Variants in PTTG1IP observed in about 807,000 individuals in gnomAD.
PTTG1IP encodes pituitary tumor-transforming gene 1 protein-interacting protein.
In PTTG1IP, 16 loss-of-function variants were observed where a neutral mutation model predicts 24.4. That is an observed-to-expected ratio of 0.66 (90% CI 0.44 to 1.00). PTTG1IP has a LOEUF of 1.00. PTTG1IP is among the 50% of genes least tolerant of loss of function. The pLI, the probability that PTTG1IP is intolerant of heterozygous loss-of-function variation, is 0.00. For missense variants in PTTG1IP, 241 were observed against 245.8 expected, an observed-to-expected ratio of 0.98 and a Z score of 0.13; for synonymous variants, 89 against 96.8, an observed-to-expected ratio of 0.92 and a Z score of 0.47.
At chr21:44,856,744 A>C (rs1414325707) in intron 3 of PTTG1IP, among the ~76,000 whole-genome samples, 1 of 152,250 alleles carries the variant, frequency 6.6e-6, no homozygotes, top group Non-Finnish European at 1.5e-5. Context: ...CTCGTAAGAC[A>C]TTCTAAACTC....
intron 3 of PTTG1IP, among the ~76,000 whole-genome samples, chr21:44,860,564 A>G (rs2146460925): frequency 6.6e-6 from 1 of 152,278 alleles, no homozygotes; most frequent in Non-Finnish European, 1.5e-5. Context: ...CACATGAACA[A>G]AACATACTGA....
chr21:44,864,150 G>T (rs1011907678), intron 2 of PTTG1IP, among the ~76,000 whole-genome samples: 1 of 152,238 alleles, frequency 6.6e-6, no homozygotes, highest in South Asian at 2.1e-4. Context: ...AGGGGCAAGG[G>T]GTGGGCGAGA....
At chr21:44,872,472 G>C (rs941255392) in intron 1 of PTTG1IP, among the ~76,000 whole-genome samples, 2 of 152,134 alleles carry the variant, frequency 1.3e-5, no homozygotes, top group African/African-American at 4.8e-5. Context: ...CTAATTGTAA[G>C]GGTCAGGAAA....
chr21:44,863,874 G>A (rs896423735), intron 2 of PTTG1IP, among the ~76,000 whole-genome samples: 3 of 152,236 alleles, frequency 2.0e-5, no homozygotes, highest in South Asian at 4.1e-4. Context: ...TCGAACCTAC[G>A]CTACGGTCTC....
intron 1 of PTTG1IP, chr21:44,865,665 CAA>C: frequency 1.6e-6 from 1 of 618,194 alleles, no homozygotes. Context: ...AGGCAGGGCA[CAA>C]AGAGTATAAA....
chr21:44,855,763 C>T (rs2083444952), intron 4 of PTTG1IP, among the ~76,000 whole-genome samples: 1 of 152,162 alleles, frequency 6.6e-6, no homozygotes, highest in African/African-American at 2.4e-5. Flanking sequence ...CCTGGGGTTG[C>T]CCCAGAGCCC....
At chr21:44,861,552 T>C (rs1176818002) in intron 2 of PTTG1IP, among the ~76,000 whole-genome samples, 2 of 152,140 alleles carry the variant, frequency 1.3e-5, no homozygotes, top group Non-Finnish European at 2.9e-5. Flanking sequence ...GGGGCCTCTG[T>C]GTTGGCAGCC....
At chr21:44,854,207 G>A (rs945480712) in intron 5 of PTTG1IP, among the ~76,000 whole-genome samples, 1 of 152,292 alleles carries the variant, frequency 6.6e-6, no homozygotes, top group African/African-American at 2.4e-5. Flanking sequence ...CCCAGTGGGT[G>A]GGACCCTAAA....
intron 2 of PTTG1IP, among the ~76,000 whole-genome samples, chr21:44,863,920 G>A (rs1424930143): frequency 2.0e-5 from 3 of 152,116 alleles, no homozygotes; most frequent in Non-Finnish European, 4.4e-5. Flanking sequence ...CATGGCTCAT[G>A]CCTTAGAATA....
At chr21:44,858,584 G>A (rs1253778689) in intron 3 of PTTG1IP, among the ~76,000 whole-genome samples, 3 of 152,228 alleles carry the variant, frequency 2.0e-5, no homozygotes, top group African/African-American at 2.4e-5. Flanking sequence ...CTGCCTCCCC[G>A]AGCCCTGTTC....
At chr21:44,871,170 G>A (rs370387387) in intron 1 of PTTG1IP, among the ~76,000 whole-genome samples, 1 of 152,236 alleles carries the variant, frequency 6.6e-6, no homozygotes, top group Non-Finnish European at 1.5e-5. Flanking sequence ...TTGAAGACTA[G>A]GAGTATGTAT....
rs1433329701 is a variant in PTTG1IP at position 44,851,539 on chromosome 21, T to C, written c.*42A>G. On this transcript the variant is annotated 3_prime_UTR_variant, in exon 6 of 6. Coordinates refer to ENST00000330938, the MANE Select transcript of PTTG1IP (RefSeq NM_004339.4). ...CCCGGCTGGGCTGGGCTGCGGAGCG[T>C]GCACCTCACAGGAAGCGTCGGGACT... 6.2e-7 allele frequency: 1 copy of C among 1,613,762 alleles called. No individual in the cohort carries two copies.
In PTTG1IP at chr21:44,854,872, A is replaced by G. The variant is rs74380443; in HGVS notation, c.496+338T>C. ...ATGAGAGGGCCGCCCTGAAACTCACAGCACCTCGGCTACGCAGGCGTGCCC... is the reference window on the plus strand; with the variant it reads ...ATGAGAGGGCCGCCCTGAAACTCACGGCACCTCGGCTACGCAGGCGTGCCC... On this transcript the variant is annotated intron_variant, in intron 5 of 5. Transcript: ENST00000330938. Among the ~76,000 whole-genome samples, 29 of 152,336 alleles carry G rather than the reference A, an allele frequency of 1.9e-4. No individual in the cohort carries two copies. The East Asian group carries it at 5.4e-3, about 28-fold the overall frequency.
At chr21:44,859,087 G>A (rs1214076395) in intron 3 of PTTG1IP, among the ~76,000 whole-genome samples, 1 of 152,226 alleles carries the variant, frequency 6.6e-6, no homozygotes, top group East Asian at 1.9e-4. Context: ...GGACCCAGGC[G>A]TCCCTGAGTG....
Position 44,851,446 on chromosome 21 carries a change from G to A in PTTG1IP, c.*135C>T. The stretch of plus-strand genomic sequence containing the variant: ...ACTGTCCTTCAGGGGCAGCTCTCCG[G>A]CCGCCTGTCCTGGAAGGCTGGCAGG... On this transcript the variant is annotated 3_prime_UTR_variant, in exon 6 of 6. Transcript: ENST00000330938. 1 of 1,605,792 alleles carries A rather than the reference G, an allele frequency of 6.2e-7. No individual in the cohort carries two copies.
chr21:44,866,718 G>A (rs2083544820), intron 1 of PTTG1IP, among the ~76,000 whole-genome samples: 1 of 151,104 alleles, frequency 6.6e-6, no homozygotes, highest in South Asian at 2.1e-4. Context: ...CACAGTGCAC[G>A]CTGAAAAGAG....
At chr21:44,871,338 G>A (rs1406579220) in intron 1 of PTTG1IP, among the ~76,000 whole-genome samples, 1 of 152,084 alleles carries the variant, frequency 6.6e-6, no homozygotes, top group Non-Finnish European at 1.5e-5. Flanking sequence ...CCACCACTGC[G>A]CCAGCCCTCA....
At chr21:44,862,048 C>T (rs1173008196) in intron 2 of PTTG1IP, 3 of 579,378 alleles carry the variant, frequency 5.2e-6, no homozygotes, top group South Asian at 1.9e-5. Flanking sequence ...GGTGTGAGGC[C>T]GCAGTGGTGT....
At chr21:44,853,680 C>T (rs1186887053) in intron 5 of PTTG1IP, among the ~76,000 whole-genome samples, 1 of 152,136 alleles carries the variant, frequency 6.6e-6, no homozygotes, top group African/African-American at 2.4e-5. Context: ...TTATGACAGT[C>T]ACACGCAGGT....
Sources: allele counts gnomAD v4.1 joint callset (sites outside exome capture counted in the v4.1 genomes callset), GRCh38; gene constraint gnomAD v4.1.1; transcripts MANE v1.5; gene names NCBI Gene and HGNC (gene_info 2026-07-23, HGNC 2026-07-21).